The following PSMC2 variants were observed in gnomAD, a reference collection of about 807,000 sequenced individuals.
PSMC2 encodes the protein 26S proteasome regulatory subunit 7.
PSMC2 carries 7 observed loss-of-function variants against 53.3 expected under a neutral mutation model. The ratio of observed to expected loss-of-function variants is 0.13; its 90% CI spans 0.07 to 0.25. PSMC2 has a LOEUF of 0.25. Ranked by LOEUF, PSMC2 falls within the 10% of genes least tolerant of loss-of-function variation. The pLI is 1.00. For synonymous variants in PSMC2, 169 were observed against 183.9 expected (o/e 0.92, Z 0.66); for missense variants, 241 against 544.0 (o/e 0.44, Z 5.54).
intron 6 of PSMC2, 49 bp from the exon 7 acceptor site, chr7:103,363,295 A>G (rs1281715873): frequency 7.0e-7 from 1 of 1,433,226 alleles, no homozygotes; most frequent in Non-Finnish European, 9.8e-7. Flanking sequence ...TTTGGACAGT[A>G]TCCAAAAAGC....
chr7:103,352,821 A>G (rs1819795919), intron 1 of PSMC2: 1 of 780,520 alleles, frequency 1.3e-6, no homozygotes, highest in Admixed American at 1.7e-5. Context: ...AACAGATTCC[A>G]GAGCTGGCAT....
At chr7:103,352,738 A>AT (rs1191662340) in intron 1 of PSMC2, 5 of 733,422 alleles carry the variant, frequency 6.8e-6, no homozygotes, top group African/African-American at 3.5e-5. Context: ...TGGTAGATTC[A>AT]TTTTTTCTTT....
chr7:103,362,790 A>G (rs760711356), intron 6 of PSMC2, 32 bp downstream of exon 6: 3 of 995,564 alleles, frequency 3.0e-6, no homozygotes, highest in South Asian at 2.8e-5. Flanking sequence ...AAGGAAGGCT[A>G]TGTCTTTTTT....
Position 103,347,732 on chromosome 7 carries a change from C to G in PSMC2, c.21C>G (p.Ala7=), listed in dbSNP as rs774306934. The G allele has an allele frequency of 6.1e-5, 98 of 1,613,700 alleles. No homozygotes were observed. The highest frequency in any genetic ancestry group is 1.6e-4 in the Middle Eastern group (1 of 6,078). ...CTAAAATGCCGGATTACCTCGGTGC[C>G]GATCAGCGGAAGACCAAAGAGGATG... MPDYLG[A]DQRKTKEDEK... is the part of the protein sequence containing the mutation. The change falls in exon 1 of 12, where the codon GCC becomes GCG. Residue 7 remains alanine (A), a synonymous_variant. Transcript: ENST00000292644.
intron 4 of PSMC2, 94 bp from the exon 5 acceptor site, chr7:103,361,863 C>A (rs1820434113): frequency 1.6e-6 from 2 of 1,252,876 alleles, no homozygotes; most frequent in Non-Finnish European, 1.1e-6. Flanking sequence ...TAGTTTATAC[C>A]TGTATATTGC....
intron 4 of PSMC2, among the ~76,000 whole-genome samples, chr7:103,358,467 T>G (rs1820170080): frequency 6.6e-6 from 1 of 152,182 alleles, no homozygotes; most frequent in Non-Finnish European, 1.5e-5. Flanking sequence ...CCAGGATTGC[T>G]CCTCTAATTT....
At chr7:103,357,841 C>G (rs1302789761) in intron 4 of PSMC2, among the ~76,000 whole-genome samples, 2 of 152,278 alleles carry the variant, frequency 1.3e-5, no homozygotes, top group South Asian at 4.2e-4. Context: ...ATTGTCTAAA[C>G]TGCTCTTCAG....
chr7:103,366,994 G>A (rs111699781), intron 9 of PSMC2, among the ~76,000 whole-genome samples: 15 of 152,048 alleles, frequency 9.9e-5, no homozygotes, highest in African/African-American at 3.4e-4. Context: ...TAGTAGAGAC[G>A]TGGTTTCACC....
In PSMC2 at chr7:103,368,166, CAT is replaced by C. The variant is rs1563498944; in HGVS notation, c.*115_*116del. The C allele has an allele frequency of 2.2e-6, 2 of 910,226 alleles. No homozygotes were observed. Among genetic ancestry groups the C allele is most frequent in the Non-Finnish European group, 3.2e-6 (2 of 625,892 alleles). The allele number at this position is 910,226 out of a possible 1,614,324, so 56.4% of individuals were successfully genotyped here. On this transcript the variant is annotated 3_prime_UTR_variant, in exon 12 of 12. Transcript: ENST00000292644. ...GGCTTCAAAATTGTATGCTTTTTTC[CAT>C]ATCTCTTCTTGTAATATAATAAAAG... is the stretch of plus-strand genomic sequence containing the variant.
In PSMC2 at chr7:103,367,952, G is replaced by A. The variant is rs1363862752; in HGVS notation, c.1200G>A (p.Arg400=). 1 of 1,614,010 alleles carries A rather than the reference G, an allele frequency of 6.2e-7. No individual in the cohort carries two copies. Among genetic ancestry groups the A allele is most frequent in the Non-Finnish European group, 8.5e-7 (1 of 1,179,988 alleles). Residue 400 remains arginine (R), a synonymous_variant, in exon 12 of 12, where the codon CGG becomes CGA. Coordinates refer to ENST00000292644, the MANE Select transcript of PSMC2 (RefSeq NM_002803.4). This position sits in a 1 kb window ranked among gnomAD's most constrained non-coding sequence, Gnocchi z 6.1. The stretch of plus-strand genomic sequence containing the variant: ...CTGGTATGTTTGCCATCAGAGCACG[G>A]CGAAAAATTGCTACCGAGAAGGATT... ...TEAGMFAIRA[R]RKIATEKDFL...
chr7:103,365,064 C>T (rs138800490), intron 8 of PSMC2, among the ~76,000 whole-genome samples: 2,011 of 149,040 alleles, frequency 0.013, 15 homozygotes, highest in South Asian at 0.028. Context: ...GAATTAGCTA[C>T]GGAGCTGCGT....
chr7:103,369,139 A>ATACT lies in PSMC2; in HGVS notation c.*1088_*1091dup, dbSNP rs946989916. ...ATAGAAAATGCTGCTTTGCACTGAA[A>ATACT]TACTTAAAATTATGAAAGTTTTCAA... On this transcript the variant is annotated 3_prime_UTR_variant, in exon 12 of 12. Transcript: ENST00000292644. The ATACT allele has an allele frequency of 1.3e-5, 2 of 152,246 alleles. No individual in the cohort carries two copies. The highest frequency in any genetic ancestry group is 4.8e-5 in the African/African-American group (2 of 41,468). 9.4% of individuals were successfully genotyped at this position (152,246 alleles called of 1,614,324 possible). A position where few individuals can be genotyped will look rare whatever the true frequency, so the allele number is the denominator to read the frequency against.
chr7:103,362,289 A>C (rs1586164916), intron 5 of PSMC2: 1 of 1,395,932 alleles, frequency 7.2e-7, no homozygotes, highest in East Asian at 2.7e-5. Flanking sequence ...CCCTACTCCC[A>C]CTGTTGTTTA....
At chr7:103,355,897 CA>C in intron 4 of PSMC2, 104 bp downstream of exon 4, 1 of 771,998 alleles carries the variant, frequency 1.3e-6, no homozygotes, top group Non-Finnish European at 1.9e-6. Flanking sequence ...ATTTTGATTC[CA>C]AATTCCAAGT....
intron 8 of PSMC2, 133 bp from the exon 9 acceptor site, chr7:103,365,943 T>A (rs905656880): frequency 1.9e-5 from 14 of 726,440 alleles, no homozygotes; most frequent in Non-Finnish European, 2.8e-5. Context: ...AATAAAAAAA[T>A]AAAAAACGTT....
chr7:103,355,949 C>A (rs1658642407), intron 4 of PSMC2, among the ~76,000 whole-genome samples, 156 bp downstream of exon 4: 1 of 151,998 alleles, frequency 6.6e-6, no homozygotes, highest in African/African-American at 2.4e-5. Flanking sequence ...AATTTTATGC[C>A]TTAAACAATT....
At chr7:103,348,674 C>A (rs141754423) in intron 1 of PSMC2, 1 of 1,588,496 alleles carries the variant, frequency 6.3e-7, no homozygotes. Flanking sequence ...CGCGTCTGTT[C>A]AAACCGGCAC....
At chr7:103,352,788 G>T in intron 1 of PSMC2, 1 of 777,188 alleles carries the variant, frequency 1.3e-6, no homozygotes, top group South Asian at 1.4e-5. Context: ...AGTGTTAAGT[G>T]ACTTGGCTGA....
chr7:103,353,960 T>G lies in PSMC2; in HGVS notation c.108+2T>G. ...GATATTGCCTTGTTGAAAACTTATG[T>G]AAGTCCTTTCAGTGTCTACAAACTA... On this transcript the variant is annotated splice_donor_variant, in intron 2 of 11. Transcript: ENST00000292644. LOFTEE classifies it high-confidence loss of function. 1 of 1,592,956 alleles carries G rather than the reference T, an allele frequency of 6.3e-7. No homozygotes were observed. Among genetic ancestry groups the G allele is most frequent in the Non-Finnish European group, 8.6e-7 (1 of 1,164,428 alleles).
Sources: allele counts gnomAD v4.1 joint callset (sites outside exome capture counted in the v4.1 genomes callset), GRCh38; gene constraint gnomAD v4.1.1; non-coding constraint Gnocchi (gnomAD v3.1); transcripts MANE v1.5; gene names NCBI Gene and HGNC (gene_info 2026-07-23, HGNC 2026-07-21).